The following FRMPD4 variants were observed in gnomAD, a reference collection of about 807,000 sequenced individuals.
FRMPD4 encodes FERM and PDZ domain-containing protein 4.
Under a neutral mutation model 94.1 loss-of-function variants are expected in FRMPD4, and 22 were observed. The ratio of observed to expected loss-of-function variants is 0.23; its 90% CI spans 0.17 to 0.33. The LOEUF is 0.33. Among genes scored for constraint, FRMPD4 ranks in the 10% least tolerant of loss-of-function variants. The pLI is 1.00. For synonymous variants in FRMPD4, 631 were observed against 548.6 expected (o/e 1.15, Z -2.10); for missense variants, 1,111 against 1,339.9 (o/e 0.83, Z 2.67).
intron 2 of FRMPD4, among the ~76,000 whole-genome samples, chrX:11,870,360 C>T (rs374216203): frequency 8.0e-5 from 9 of 111,884 alleles, no homozygotes; most frequent in African/African-American, 9.7e-5. Context: ...AGCCTGGCAA[C>T]GCCTGGAGAT....
chrX:12,126,084 C>G (rs2055497521), intron 3 of FRMPD4, among the ~76,000 whole-genome samples: 1 of 112,422 alleles, frequency 8.9e-6, no homozygotes, highest in Admixed American at 9.4e-5. Flanking sequence ...ATTGAGATAA[C>G]ATTTTGCTTG....
intron 3 of FRMPD4, among the ~76,000 whole-genome samples, chrX:12,613,794 G>A (rs1005486489): frequency 3.6e-5 from 4 of 111,956 alleles, no homozygotes; most frequent in African/African-American, 1.3e-4. Context: ...TGGCTAACAC[G>A]GTGAAACCCC....
chrX:12,444,503 G>A (rs1026795760), intron 1 of FRMPD4, among the ~76,000 whole-genome samples: 1 of 111,970 alleles, frequency 8.9e-6, no homozygotes, highest in Non-Finnish European at 1.9e-5. Context: ...TGAAGTTCTT[G>A]GGACCTAAGG....
At chrX:12,242,587 A>G in intron 1 of FRMPD4, among the ~76,000 whole-genome samples, 1 of 112,589 alleles carries the variant, frequency 8.9e-6, no homozygotes, top group East Asian at 2.8e-4. Context: ...GGTGCAGTAT[A>G]TAATGCTACT....
chrX:12,434,980 A>T (rs1388048064), intron 1 of FRMPD4, among the ~76,000 whole-genome samples: 3 of 112,712 alleles, frequency 2.7e-5, no homozygotes, highest in Non-Finnish European at 5.6e-5. Context: ...TTTAGCAAAA[A>T]TAACTTTGAG....
At chrX:12,518,823 G>C (rs190894758) in intron 2 of FRMPD4, among the ~76,000 whole-genome samples, 314 of 102,076 alleles carry the variant, frequency 3.1e-3, no homozygotes, top group African/African-American at 0.01. Context: ...ACGTGCGCGC[G>C]TGCACACACA....
intron 1 of FRMPD4, among the ~76,000 whole-genome samples, chrX:12,468,368 C>A (rs1370615545): frequency 1.8e-5 from 2 of 111,708 alleles, no homozygotes; most frequent in Non-Finnish European, 3.8e-5. Context: ...AGATACCATG[C>A]AAAGGCAGCA....
chrX:12,433,940 C>T (rs1158273506), intron 1 of FRMPD4, among the ~76,000 whole-genome samples: 3 of 111,310 alleles, frequency 2.7e-5, no homozygotes, highest in South Asian at 3.8e-4. Flanking sequence ...GGGGTCTTCC[C>T]GGTCAGTAAA....
chrX:12,319,444 A>T (rs771331935), intron 1 of FRMPD4, among the ~76,000 whole-genome samples: 7 of 112,207 alleles, frequency 6.2e-5, no homozygotes, highest in African/African-American at 2.3e-4. Flanking sequence ...AGGATGTTTA[A>T]AAACGACCCA....
intron 4 of FRMPD4, among the ~76,000 whole-genome samples, chrX:12,651,758 C>T (rs2059597259): frequency 8.9e-6 from 1 of 111,882 alleles, no homozygotes; most frequent in East Asian, 2.8e-4. Context: ...TGAAAGAGAA[C>T]AGAATCAAAC....
Position 12,472,505 on chromosome X carries a change from T to TTC in FRMPD4, c.42-26170_42-26169dup, listed in dbSNP as rs755931088. Among the ~76,000 whole-genome samples the TTC allele has an allele frequency of 5.4e-5, 6 of 111,733 alleles. No homozygotes were observed. The East Asian group carries it at 1.7e-3, about 31-fold the overall frequency. On this transcript the variant is annotated intron_variant, in intron 1 of 16. Coordinates refer to ENST00000675598, the MANE Select transcript of FRMPD4 (RefSeq NM_001368397.1). ...ATACGCATAGGCTCATCCTGGGGTT[T>TTC]TCTCTCACAGAATTTAAGAAAGTAC...
intron 14 of FRMPD4, 68 bp from the exon 15 acceptor site, chrX:12,716,001 T>TGGCC: frequency 4.3e-6 from 1 of 231,646 alleles, no homozygotes. Context: ...GAGACGAGCC[T>TGGCC]CCCACCCCCG....
upstream of FRMPD4, among the ~76,000 whole-genome samples, chrX:12,137,805 GGTTTT>G (rs758814701): frequency 1.6e-3 from 177 of 112,270 alleles, no homozygotes; most frequent in African/African-American, 5.2e-3. Flanking sequence ...TCTCCGGCAA[GGTTTT>G]GTTTTGTTTT....
chrX:12,279,862 G>A (rs1276222470), intron 1 of FRMPD4, among the ~76,000 whole-genome samples: 1 of 110,818 alleles, frequency 9.0e-6, no homozygotes, highest in Non-Finnish European at 1.9e-5. Flanking sequence ...GGAGCACCAT[G>A]GCCATGAACA....
chrX:11,955,342 G>C (rs1252647399), intron 3 of FRMPD4, among the ~76,000 whole-genome samples: 2 of 110,609 alleles, frequency 1.8e-5, no homozygotes, highest in Non-Finnish European at 3.8e-5. Flanking sequence ...AATCAGCCAG[G>C]CTTGCTGGGC....
intron 2 of FRMPD4, among the ~76,000 whole-genome samples, chrX:11,866,257 C>G (rs148851712): frequency 5.4e-5 from 6 of 112,029 alleles, no homozygotes; most frequent in Admixed American, 9.5e-5. Context: ...TGACGTGTAA[C>G]CTTAGCAAGA....
intron 1 of FRMPD4, among the ~76,000 whole-genome samples, chrX:12,316,162 T>A (rs144665647): frequency 0.01 from 1,140 of 111,638 alleles, 19 homozygotes; most frequent in African/African-American, 0.034. Flanking sequence ...TTATTTATTT[T>A]TTTTGAGACA....
chrX:11,946,075 A>G, intron 3 of FRMPD4, among the ~76,000 whole-genome samples: 1 of 111,979 alleles, frequency 8.9e-6, no homozygotes, highest in African/African-American at 3.2e-5. Flanking sequence ...CATGTCCACA[A>G]TCTTTTATCT....
intron 1 of FRMPD4, among the ~76,000 whole-genome samples, chrX:12,472,309 CAGTATAA>C (rs2057523466): frequency 8.9e-6 from 1 of 111,943 alleles, no homozygotes; most frequent in African/African-American, 3.2e-5. Context: ...CAAGAGAACC[CAGTATAA>C]AAGCTAAATA....
Sources: gnomAD v4.1 joint callset for allele counts (sites outside exome capture counted in the v4.1 genomes callset) on GRCh38, gnomAD v4.1.1 for gene constraint, MANE v1.5 for transcripts, NCBI Gene and HGNC (gene_info 2026-07-23, HGNC 2026-07-21) for gene names.